The following IMMP2L variants were observed in gnomAD, a reference collection of about 807,000 sequenced individuals.
The protein encoded by IMMP2L is inner mitochondrial membrane peptidase subunit 2, also known as mitochondrial inner membrane protease subunit 2.
IMMP2L carries 18 observed loss-of-function variants against 19.3 expected under a neutral mutation model. The ratio of observed to expected loss-of-function variants is 0.93; its 90% CI spans 0.64 to 1.38. The LOEUF (loss-of-function observed/expected upper bound fraction) is 1.38, where lower values mean the gene tolerates loss of function less well. Ranked by LOEUF, IMMP2L falls within the 40% of genes most tolerant of loss-of-function variation. The probability of loss-of-function intolerance (pLI) is 0.00; values close to 1 mark genes in which losing one functional copy is unlikely to be tolerated. For missense variants in IMMP2L, 233 were observed against 218.2 expected (o/e 1.07, Z -0.43); for synonymous variants, 76 against 73.0 (o/e 1.04, Z -0.21).
rs148409050 is a variant in IMMP2L at position 110,771,655 on chromosome 7, T to C, written c.409-107934A>G. On this transcript the variant is annotated intron_variant, in intron 5 of 5. Coordinates refer to ENST00000405709, the MANE Select transcript of IMMP2L (RefSeq NM_032549.4). ...AGAATAGTACCTGATACATATTAAATGTTAACTAAACATACGAGGGTAGAG... is the reference window on the plus strand; with the variant it reads ...AGAATAGTACCTGATACATATTAAACGTTAACTAAACATACGAGGGTAGAG... Among the ~76,000 whole-genome samples the C allele has an allele frequency of 8.6e-3, 1,304 of 152,310 alleles. 8 individuals carry two copies. Among genetic ancestry groups the C allele is most frequent in the Non-Finnish European group, 0.014 (926 of 68,024 alleles).
chr7:111,221,688 T>A (rs557683441), intron 3 of IMMP2L, among the ~76,000 whole-genome samples: 1 of 151,996 alleles, frequency 6.6e-6, no homozygotes, highest in Non-Finnish European at 1.5e-5. Context: ...ACAGCAAATT[T>A]GTGGCAATTA....
chr7:111,365,300 T>A (rs1264015380), intron 3 of IMMP2L, among the ~76,000 whole-genome samples: 2 of 152,164 alleles, frequency 1.3e-5, no homozygotes, highest in African/African-American at 4.8e-5. Context: ...CATGAATATT[T>A]CATTTCTTGA....
At chr7:111,478,539 C>T (rs1268158505) in intron 3 of IMMP2L, among the ~76,000 whole-genome samples, 2 of 150,686 alleles carry the variant, frequency 1.3e-5, no homozygotes, top group African/African-American at 4.9e-5. Flanking sequence ...AGACTACAGG[C>T]ATGCAACACC....
At chr7:111,298,941 G>C (rs1821917660) in intron 3 of IMMP2L, among the ~76,000 whole-genome samples, 1 of 152,112 alleles carries the variant, frequency 6.6e-6, no homozygotes, top group Non-Finnish European at 1.5e-5. Context: ...ATATTGATCA[G>C]TAATGAGTGT....
intron 3 of IMMP2L, among the ~76,000 whole-genome samples, chr7:111,319,090 C>T (rs1051156436): frequency 7.2e-5 from 11 of 152,006 alleles, no homozygotes; most frequent in African/African-American, 2.2e-4. Flanking sequence ...GCTAAGTAAG[C>T]GTTACCAAAT....
chr7:111,384,861 T>C (rs1399629329), intron 3 of IMMP2L, among the ~76,000 whole-genome samples: 1 of 152,158 alleles, frequency 6.6e-6, no homozygotes, highest in African/African-American at 2.4e-5. Flanking sequence ...ACATAAATTG[T>C]ACTAAATTTA....
intron 3 of IMMP2L, among the ~76,000 whole-genome samples, chr7:111,090,510 A>T (rs1796747092): frequency 6.6e-6 from 1 of 152,104 alleles, no homozygotes; most frequent in Non-Finnish European, 1.5e-5. Context: ...ACATATTTTT[A>T]AAAAGTACCC....
At chr7:111,488,825 G>A (rs1053011906) in intron 2 of IMMP2L, among the ~76,000 whole-genome samples, 2 of 152,032 alleles carry the variant, frequency 1.3e-5, no homozygotes, top group Admixed American at 6.6e-5. Context: ...CACCAGCAGC[G>A]TAAAAGTGTT....
intron 1 of IMMP2L, among the ~76,000 whole-genome samples, chr7:111,538,920 G>C (rs535607420): frequency 6.7e-6 from 1 of 149,504 alleles, no homozygotes; most frequent in Non-Finnish European, 1.5e-5. Context: ...GGATGTTCAA[G>C]ACCAGCCTGG....
At chr7:111,413,982 TC>T (rs1224651013) in intron 3 of IMMP2L, among the ~76,000 whole-genome samples, 3 of 151,700 alleles carry the variant, frequency 2.0e-5, no homozygotes, top group Non-Finnish European at 2.9e-5. Context: ...ATAAGCAACT[TC>T]CCAGCCAGTT....
chr7:111,257,974 C>T (rs1778730500), intron 3 of IMMP2L, among the ~76,000 whole-genome samples: 1 of 151,814 alleles, frequency 6.6e-6, no homozygotes, highest in Non-Finnish European at 1.5e-5. Flanking sequence ...ATGTTCCCCT[C>T]CCTGTGTCTA....
intron 5 of IMMP2L, among the ~76,000 whole-genome samples, chr7:110,826,233 T>C (rs543786537): frequency 7.9e-5 from 12 of 152,286 alleles, no homozygotes; most frequent in African/African-American, 2.9e-4. Flanking sequence ...TTTTACACTG[T>C]TGGTGGGACT....
At chr7:110,929,440 C>A (rs1815231996) in intron 4 of IMMP2L, among the ~76,000 whole-genome samples, 1 of 152,158 alleles carries the variant, frequency 6.6e-6, no homozygotes, top group South Asian at 2.1e-4. Flanking sequence ...CCCACTGTCA[C>A]ATAAATGTTG....
In IMMP2L at chr7:111,249,211, T is replaced by C. The variant is rs568806879; in HGVS notation, c.239+238027A>G. Among the ~76,000 whole-genome samples, 418 of 84,810 alleles carry C rather than the reference T, an allele frequency of 4.9e-3. 8 individuals carry two copies. The highest frequency in any genetic ancestry group is 0.021 in the African/African-American group (390 of 18,440). The allele number at this position is 84,810 out of a possible 152,430, so 55.6% of individuals were successfully genotyped here. ...AGGACCCTCCGAGCCAGGTGTGGGA[T>C]ATAGTCTCGTGGTGCGCCGTTTCTT... On this transcript the variant is annotated intron_variant, in intron 3 of 5. Transcript: ENST00000405709.
intron 4 of IMMP2L, among the ~76,000 whole-genome samples, chr7:110,909,706 A>G (rs1812837287): frequency 6.6e-6 from 1 of 152,010 alleles, no homozygotes; most frequent in Admixed American, 6.6e-5. Flanking sequence ...GCACCTCCCT[A>G]TCCAACAACA....
At chr7:111,187,003 GTTCTGGGAA>G (rs1435757015) in intron 3 of IMMP2L, among the ~76,000 whole-genome samples, 31 of 151,804 alleles carry the variant, frequency 2.0e-4, no homozygotes, top group Non-Finnish European at 2.5e-4. Context: ...AGTCTACTTA[GTTCTGGGAA>G]TAGAATTAGT....
At chr7:111,404,119 T>G (rs747064547) in intron 3 of IMMP2L, among the ~76,000 whole-genome samples, 45 of 152,098 alleles carry the variant, frequency 3.0e-4, no homozygotes, top group Non-Finnish European at 4.7e-4. Context: ...AGAAAACAAA[T>G]GGCCACAGAA....
intron 5 of IMMP2L, among the ~76,000 whole-genome samples, chr7:110,670,468 T>C (rs1416333448): frequency 1.3e-5 from 2 of 152,104 alleles, no homozygotes; most frequent in Non-Finnish European, 2.9e-5. Context: ...GGTGGACAGA[T>C]CACTTGAGGT....
At chr7:111,322,819 G>C (rs1278597968) in intron 3 of IMMP2L, among the ~76,000 whole-genome samples, 2 of 151,518 alleles carry the variant, frequency 1.3e-5, no homozygotes, top group East Asian at 3.9e-4. Flanking sequence ...AAAATCCATA[G>C]CATTAAATAC....
Sources: gnomAD v4.1 joint callset for allele counts (sites outside exome capture counted in the v4.1 genomes callset) on GRCh38, gnomAD v4.1.1 for gene constraint, MANE v1.5 for transcripts, NCBI Gene and HGNC (gene_info 2026-07-23, HGNC 2026-07-21) for gene names.